The following MKNK1 variants were observed in gnomAD, a reference collection of about 807,000 sequenced individuals.
The protein encoded by MKNK1 is MAPK interacting serine/threonine kinase 1.
A neutral mutation model predicts 49.3 loss-of-function variants in MKNK1; 30 were observed. The observed-to-expected ratio is 0.61, with a 90% confidence interval of 0.46 to 0.83. The LOEUF (loss-of-function observed/expected upper bound fraction) is 0.83. Ranked by LOEUF, MKNK1 falls within the 40% of genes least tolerant of loss-of-function variation. The pLI, the probability that MKNK1 is intolerant of heterozygous loss-of-function variation, is 0.00. For synonymous variants in MKNK1, 176 were observed against 201.7 expected (o/e 0.87, Z 1.08); for missense variants, 423 against 524.7 (o/e 0.81, Z 1.89).
At chr1:46,564,776 G>T (rs974526142) in intron 9 of MKNK1, among the ~76,000 whole-genome samples, 1 of 152,060 alleles carries the variant, frequency 6.6e-6, no homozygotes, top group African/African-American at 2.4e-5. Context: ...CAAACGGCCA[G>T]CCTGTGCTTA....
intron 4 of MKNK1, 65 bp downstream of exon 4, chr1:46,580,465 G>T: frequency 9.3e-7 from 1 of 1,073,112 alleles, no homozygotes; most frequent in Non-Finnish European, 1.5e-6. Context: ...ACATTTATTT[G>T]GTTCAAGATG....
chr1:46,562,369 C>G (rs556467080), intron 10 of MKNK1, among the ~76,000 whole-genome samples: 5 of 144,920 alleles, frequency 3.5e-5, no homozygotes, highest in Non-Finnish European at 7.5e-5. Context: ...GCACTCCAGC[C>G]TGGGCGACAG....
intron 2 of MKNK1, 108 bp from the exon 3 acceptor site, chr1:46,583,437 A>C: frequency 4.0e-6 from 3 of 745,738 alleles, no homozygotes; most frequent in Non-Finnish European, 6.6e-6. Flanking sequence ...GGAGGTTTAC[A>C]CTGATGGTTT....
At chr1:46,587,101 C>T (rs993936289) in intron 2 of MKNK1, among the ~76,000 whole-genome samples, 10 of 152,228 alleles carry the variant, frequency 6.6e-5, no homozygotes, top group African/African-American at 2.2e-4. Flanking sequence ...TGAACCACTG[C>T]GCCCAGCCAG....
intron 12 of MKNK1, among the ~76,000 whole-genome samples, chr1:46,559,307 G>C (rs1271277629): frequency 1.3e-5 from 2 of 152,266 alleles, no homozygotes; most frequent in Admixed American, 6.5e-5. Flanking sequence ...CTGCTCTAGA[G>C]AGTCAGGTAG....
At chr1:46,602,620 C>T (rs140475238) in intron 1 of MKNK1, among the ~76,000 whole-genome samples, 57 of 152,268 alleles carry the variant, frequency 3.7e-4, no homozygotes, top group Middle Eastern at 3.4e-3. Context: ...AATTCATAAA[C>T]GTTCTTAAAA....
intron 3 of MKNK1, chr1:46,582,992 G>A (rs1570239820): frequency 1.5e-6 from 1 of 661,678 alleles, no homozygotes; most frequent in Non-Finnish European, 2.8e-6. Flanking sequence ...AAAGGAAGCA[G>A]TACCTGAGCC....
At chr1:46,593,689 C>T (rs1036109853) in intron 2 of MKNK1, 2 of 153,966 alleles carry the variant, frequency 1.3e-5, no homozygotes, top group African/African-American at 4.8e-5. Flanking sequence ...TGAAACCCGT[C>T]TCTACTAAAA....
intron 6 of MKNK1, 113 bp downstream of exon 6, chr1:46,574,834 C>A (rs554451017): frequency 2.8e-6 from 2 of 711,306 alleles, no homozygotes; most frequent in African/African-American, 1.8e-5. Context: ...GTTTTTAAGT[C>A]CTTCATCCTT....
At chr1:46,576,537 TC>T in intron 5 of MKNK1, 37 bp downstream of exon 5, 2 of 1,550,384 alleles carry the variant, frequency 1.3e-6, no homozygotes, top group African/African-American at 1.4e-5. Flanking sequence ...TGGCCAAGCG[TC>T]CCCCCAGAGA....
At chr1:46,587,959 C>T (rs950592332) in intron 2 of MKNK1, among the ~76,000 whole-genome samples, 6 of 152,292 alleles carry the variant, frequency 3.9e-5, no homozygotes, top group South Asian at 4.1e-4. Flanking sequence ...ACTGCTAATA[C>T]GCTACAATTT....
At chr1:46,576,519 C>T in intron 5 of MKNK1, 56 bp downstream of exon 5, 1 of 1,448,048 alleles carries the variant, frequency 6.9e-7, no homozygotes, top group Non-Finnish European at 9.7e-7. Flanking sequence ...AAATAGCCTC[C>T]TCTTCTGTGG....
intron 1 of MKNK1, among the ~76,000 whole-genome samples, chr1:46,602,797 C>T (rs1321271016): frequency 6.6e-6 from 1 of 152,172 alleles, no homozygotes; most frequent in Non-Finnish European, 1.5e-5. Flanking sequence ...ACCAAGGTTT[C>T]CGAGTAGTGT....
chr1:46,579,540 T>C (rs545147050), intron 4 of MKNK1, among the ~76,000 whole-genome samples: 1 of 152,334 alleles, frequency 6.6e-6, no homozygotes, highest in Admixed American at 6.5e-5. Flanking sequence ...CCTACAACAG[T>C]AGTCCTCAAG....
chr1:46,596,253 T>C (rs1674047368), intron 1 of MKNK1, among the ~76,000 whole-genome samples: 1 of 152,230 alleles, frequency 6.6e-6, no homozygotes, highest in South Asian at 2.1e-4. Flanking sequence ...AAATCAATGA[T>C]TGTAGCTATA....
At chr1:46,586,679 T>G (rs768492402) in intron 2 of MKNK1, among the ~76,000 whole-genome samples, 3 of 152,114 alleles carry the variant, frequency 2.0e-5, no homozygotes, top group Admixed American at 1.3e-4. Flanking sequence ...GAAACATGGG[T>G]ACAACTTTGC....
intron 11 of MKNK1, 127 bp from the exon 12 acceptor site, chr1:46,560,404 G>T: frequency 1.0e-6 from 1 of 990,108 alleles, no homozygotes; most frequent in Non-Finnish European, 1.6e-6. Context: ...GGCTATGCTT[G>T]CTTGCAGGGT....
At chr1:46,592,633 G>A (rs887439698) in intron 2 of MKNK1, among the ~76,000 whole-genome samples, 2 of 152,164 alleles carry the variant, frequency 1.3e-5, no homozygotes, top group African/African-American at 4.8e-5. Flanking sequence ...GAGACAGGGA[G>A]AGCAGGGAGA....
chr1:46,566,741 G>A lies in MKNK1; in HGVS notation c.514-1605C>T, dbSNP rs369300384. ...TTGCATTTCCCTAATGACTAAGGAT[G>A]TTGAGCATCTTTTCATGTACTTGTT... On this transcript the variant is annotated intron_variant, in intron 8 of 12. Transcript: ENST00000371945. Among the ~76,000 whole-genome samples, 3 of 152,310 alleles carry A rather than the reference G, an allele frequency of 2.0e-5. No homozygotes were observed. In the East Asian group the frequency reaches 5.8e-4, roughly 29 times the overall value.
Sources: allele counts gnomAD v4.1 joint callset (sites outside exome capture counted in the v4.1 genomes callset), GRCh38; gene constraint gnomAD v4.1.1; transcripts MANE v1.5; gene names NCBI Gene and HGNC (gene_info 2026-07-23, HGNC 2026-07-21).